CLN3: variants seen among roughly 807,000 people sequenced by gnomAD.
CLN3 encodes CLN3 lysosomal/endosomal transmembrane protein, battenin.
A neutral mutation model predicts 60.7 loss-of-function variants in CLN3; 49 were observed. The ratio of observed to expected loss-of-function variants is 0.81; its 90% CI spans 0.64 to 1.02. The LOEUF (loss-of-function observed/expected upper bound fraction) is 1.02, where lower values mean the gene tolerates loss of function less well. Ranked by LOEUF, CLN3 falls within the 50% of genes least tolerant of loss-of-function variation. The pLI is 0.00. For synonymous variants in CLN3, 256 were observed against 245.8 expected (o/e 1.04, Z -0.39); for missense variants, 516 against 557.4 (o/e 0.93, Z 0.75).
Position 28,491,794 on chromosome 16 carries a change from C to A in CLN3, c.-35G>T. On this transcript the variant is annotated 5_prime_UTR_variant, in exon 2 of 16. It removes an upstream start codon present in the reference 5' UTR. Coordinates refer to ENST00000636147, the MANE Select transcript of CLN3 (RefSeq NM_001042432.2). ...TTCAGGTCCCCCGAGGGTCCAGGGT[C>A]ATAGAGTGTCCAAAGGGGGCTCCCA... 1.2e-6 allele frequency: 2 copies of A among 1,611,802 alleles called. No homozygotes were observed. Among genetic ancestry groups the A allele is most frequent in the Non-Finnish European group, 1.7e-6 (2 of 1,179,720 alleles).
chr16:28,473,050 A>T (rs1047580326), downstream of CLN3, among the ~76,000 whole-genome samples: 1 of 151,760 alleles, frequency 6.6e-6, no homozygotes, highest in Non-Finnish European at 1.5e-5. Flanking sequence ...TGATCCTCCC[A>T]CTTCAGCCTC....
chr16:28,491,505 A>G lies in CLN3; in HGVS notation c.102T>C (p.His34=), dbSNP rs774549218. Residue 34 remains histidine (H), a synonymous_variant, in exon 3 of 16, where the codon CAT becomes CAC. Transcript: ENST00000636147. The part of the protein sequence containing the change: ...RLPLLDHQGA[H]WKNAVGFWLL... ...ACCAGAAGCCCACCGCGTTCTTCCA[A>G]TGCGCGCCCTGATGGTCCAACAGAG... is the stretch of plus-strand genomic sequence containing the variant. The G allele has an allele frequency of 2.5e-6, 4 of 1,613,740 alleles. No individual in the cohort carries two copies. Among genetic ancestry groups the G allele is most frequent in the East Asian group, 2.2e-5 (1 of 44,888 alleles).
downstream of CLN3, among the ~76,000 whole-genome samples, chr16:28,472,882 C>A (rs2045963140): frequency 6.6e-6 from 1 of 151,614 alleles, no homozygotes. Context: ...CGTGATCTGC[C>A]CGCCTCAGCC....
rs2046164868 is a variant in CLN3, at chr16:28,484,222, C to CT, written c.678-105dup. ...CAGGGAACACCTCTACCTTTGAACA[C>CT]TTTCAAAGATGGGTAGCTCACTGCC... On this transcript the variant is annotated intron_variant, in intron 9 of 15. Transcript: ENST00000636147. The CT allele has an allele frequency of 3.8e-6, 3 of 796,162 alleles. No homozygotes were observed. In the South Asian group the frequency reaches 4.4e-5, roughly 12 times the overall value. The allele number at this position is 796,162 out of a possible 1,614,324, so 49.3% of individuals were successfully genotyped here.
chr16:28,479,545 C>CCATT (rs2046052513), intron 14 of CLN3: 1 of 153,428 alleles, frequency 6.5e-6, no homozygotes, highest in Non-Finnish European at 1.5e-5. Flanking sequence ...CAAGATCACG[C>CCATT]CATTGTACTC....
At chr16:28,491,084 ATAAG>A (rs944157283) in intron 3 of CLN3, 19 of 139,080 alleles carry the variant, frequency 1.4e-4, no homozygotes, top group South Asian at 4.0e-4. Context: ...AGAAAAAAAA[ATAAG>A]ATAAAATAAA....
At chr16:28,477,965 G>A in intron 14 of CLN3, 88 bp from the exon 15 acceptor site, 1 of 1,494,216 alleles carries the variant, frequency 6.7e-7, no homozygotes, top group Non-Finnish European at 9.2e-7. Flanking sequence ...CTGGTTTTAG[G>A]AGTTACTGGT....
rs1334160451 is a variant in CLN3 at position 28,483,244 on chromosome 16, CAG to C, written c.791-574_791-573del. On this transcript the variant is annotated intron_variant, in intron 10 of 15. Coordinates refer to ENST00000636147, the MANE Select transcript of CLN3 (RefSeq NM_001042432.2). ...TTTTAATTTTTTTTATTTTTTGAGA[CAG>C]AGTCTCACTCAGTTGCCCAGGCTGC... Among the ~76,000 whole-genome samples the C allele has an allele frequency of 2.0e-5, 3 of 152,060 alleles. No individual in the cohort carries two copies. In the East Asian group the frequency reaches 5.8e-4, roughly 29 times the overall value.
chr16:28,490,276 T>A (rs1288276745), intron 3 of CLN3: 6 of 150,116 alleles, frequency 4.0e-5, no homozygotes, highest in Non-Finnish European at 7.4e-5. Context: ...AATCCTGTCT[T>A]TACTAAAAAT....
chr16:28,477,709 C>T (rs2046019707), intron 15 of CLN3, 28 bp downstream of exon 15: 1 of 1,614,116 alleles, frequency 6.2e-7, no homozygotes, highest in Non-Finnish European at 8.5e-7. Flanking sequence ...GACAGGCCAC[C>T]CCCAGCCCTT....
Position 28,477,736 on chromosome 16 carries a change from C to T in CLN3, c.1197+1G>A. Reference sequence around the variant, plus strand: ...CCAGCCCTTGCCCGGCCAATGCTGACCTCCAGGGCGATGTTGTGGAAGGTG... The same window carrying T: ...CCAGCCCTTGCCCGGCCAATGCTGATCTCCAGGGCGATGTTGTGGAAGGTG... On this transcript the variant is annotated splice_donor_variant, in intron 15 of 15. Coordinates refer to ENST00000636147, the MANE Select transcript of CLN3 (RefSeq NM_001042432.2). LOFTEE classifies it high-confidence loss of function. The T allele has an allele frequency of 2.5e-6, 4 of 1,614,172 alleles. No homozygotes were observed. Among genetic ancestry groups the T allele is most frequent in the Non-Finnish European group, 3.4e-6 (4 of 1,180,042 alleles).
chr16:28,492,003 G>T lies in CLN3; in HGVS notation c.-77+17C>A. ...TCTCCCCCGCCCCGTCTACAGCAGG[G>T]ACCCTGAGGCCTGTACCTTTAAGAG... On this transcript the variant is annotated intron_variant, in intron 1 of 15. Coordinates refer to ENST00000636147, the MANE Select transcript of CLN3 (RefSeq NM_001042432.2). The T allele has an allele frequency of 1.6e-6, 1 of 611,490 alleles. No individual in the cohort carries two copies. Among genetic ancestry groups the T allele is most frequent in the South Asian group, 1.9e-5 (1 of 52,400 alleles). 37.9% of individuals were successfully genotyped at this position (611,490 alleles called of 1,614,324 possible). A position where few individuals can be genotyped will look rare whatever the true frequency, so the allele number is the denominator to read the frequency against.
chr16:28,484,980 C>G (rs1216119129), intron 9 of CLN3: 1 of 150,438 alleles, frequency 6.6e-6, no homozygotes, highest in African/African-American at 2.4e-5. Context: ...GAGTCTCGCT[C>G]TGTTGCCCAG....
At chr16:28,483,479 C>T (rs567279239) in intron 10 of CLN3, among the ~76,000 whole-genome samples, 1 of 152,234 alleles carries the variant, frequency 6.6e-6, no homozygotes, top group Admixed American at 6.5e-5. Context: ...GCCTCAGCCT[C>T]CCAAAGTGCT....
At chr16:28,478,103 GCCT>G (rs771724210) in intron 14 of CLN3, among the ~76,000 whole-genome samples, 1 of 152,054 alleles carries the variant, frequency 6.6e-6, no homozygotes, top group Non-Finnish European at 1.5e-5. Context: ...TTCGAGACCA[GCCT>G]GGCCTGGTCT....
At position 28,480,488 on chromosome 16, in the gene CLN3, T is replaced by C. The variant is rs1373034545; in HGVS notation, c.1056+1617A>G. Among the ~76,000 whole-genome samples, 6 of 151,956 alleles carry C rather than the reference T, an allele frequency of 3.9e-5. No individual in the cohort carries two copies. In the East Asian group the frequency reaches 1.2e-3, roughly 30 times the overall value. ...CAATCTCGGCTCACTGCAACCTCCA[T>C]ATCCGGAGTTCAAGCAATTCTCCTG... On this transcript the variant is annotated intron_variant, in intron 14 of 15. Transcript: ENST00000636147.
In CLN3 at chr16:28,487,915, A is replaced by G. The variant is rs1596563406; in HGVS notation, c.295-174T>C. ...TCCCACTCCTTAGTTGTGTGTCAAG[A>G]GTTTATACTCTCTGAGCTTCAGTTT... On this transcript the variant is annotated intron_variant, in intron 5 of 15. Coordinates refer to ENST00000636147, the MANE Select transcript of CLN3 (RefSeq NM_001042432.2). The G allele has an allele frequency of 9.4e-6, 6 of 638,258 alleles. No individual in the cohort carries two copies. The East Asian group carries it at 1.7e-4, about 18-fold the overall frequency. The allele number at this position is 638,258 out of a possible 1,614,324, so 39.5% of individuals were successfully genotyped here. A position where few individuals can be genotyped will look rare whatever the true frequency, so the allele number is the denominator to read the frequency against.
At chr16:28,467,766 T>C in the CLN3 span, among the ~76,000 whole-genome samples, 1 of 116,504 alleles carries the variant, frequency 8.6e-6, no homozygotes, top group Admixed American at 9.8e-5. Flanking sequence ...TTTGTGGAGA[T>C]GGGATTTTGC....
Position 28,477,650 on chromosome 16 carries a change from A to G in CLN3, c.1198-15T>C. On this transcript the variant is annotated splice_polypyrimidine_tract_variant and intron_variant, in intron 15 of 15. Transcript: ENST00000636147. Reference sequence around the variant, plus strand: ...TCATCACTGGTCTGGGAGGGCAGAGAGCAGGGGTGAGGCTTCAGTCCCAGA... The same window carrying G: ...TCATCACTGGTCTGGGAGGGCAGAGGGCAGGGGTGAGGCTTCAGTCCCAGA... 1 of 1,613,994 alleles carries G rather than the reference A, an allele frequency of 6.2e-7. No individual in the cohort carries two copies. The highest frequency in any genetic ancestry group is 8.5e-7 in the Non-Finnish European group (1 of 1,180,038).
Sources: gnomAD v4.1 joint callset for allele counts (sites outside exome capture counted in the v4.1 genomes callset) on GRCh38, gnomAD v4.1.1 for gene constraint, MANE v1.5 for transcripts, NCBI Gene and HGNC (gene_info 2026-07-23, HGNC 2026-07-21) for gene names.